Variants in UNC13C observed in about 807,000 individuals in gnomAD.
UNC13C encodes protein unc-13 homolog C.
UNC13C carries 174 observed loss-of-function variants against 245.4 expected under a neutral mutation model. The ratio of observed to expected loss-of-function variants is 0.71; its 90% CI spans 0.63 to 0.80. UNC13C has a LOEUF of 0.80. Among genes scored for constraint, UNC13C ranks in the 30% least tolerant of loss-of-function variants. The pLI is 0.00. For missense variants in UNC13C, 2,829 were observed against 2,602.9 expected (o/e 1.09, Z -1.89); for synonymous variants, 992 against 895.1 (o/e 1.11, Z -1.93).
the UNC13C span, among the ~76,000 whole-genome samples, chr15:53,860,691 C>A: frequency 1.3e-5 from 2 of 152,192 alleles, no homozygotes; most frequent in African/African-American, 4.8e-5. Flanking sequence ...GTATAACATG[C>A]TTTTCAGATC....
intron 4 of UNC13C, among the ~76,000 whole-genome samples, chr15:54,224,115 A>G (rs1262828071): frequency 6.6e-6 from 1 of 151,950 alleles, no homozygotes; most frequent in Non-Finnish European, 1.5e-5. Flanking sequence ...TTTCCAGTTT[A>G]GTTGCACTTT....
chr15:54,501,042 T>G, intron 22 of UNC13C, 64 bp downstream of exon 22: 2 of 1,543,486 alleles, frequency 1.3e-6, no homozygotes, highest in Non-Finnish European at 1.8e-6. Context: ...AATGCTATTG[T>G]TTTGTGGTGT....
chr15:54,102,094 A>G (rs1900194490), intron 2 of UNC13C, among the ~76,000 whole-genome samples: 1 of 150,616 alleles, frequency 6.6e-6, no homozygotes, highest in Non-Finnish European at 1.5e-5. Flanking sequence ...GACCATAGTC[A>G]TATTATAAGT....
intron 17 of UNC13C, among the ~76,000 whole-genome samples, chr15:54,356,613 T>C (rs1434152966): frequency 6.6e-6 from 1 of 152,188 alleles, no homozygotes; most frequent in Non-Finnish European, 1.5e-5. Flanking sequence ...AAAGCAGCTT[T>C]CAGCCTCTTT....
chr15:53,867,566 A>T, the UNC13C span, among the ~76,000 whole-genome samples: 1 of 152,262 alleles, frequency 6.6e-6, no homozygotes, highest in South Asian at 2.1e-4. Flanking sequence ...CTGGTGAGAA[A>T]AGACTTTGCA....
At chr15:54,483,727 T>G (rs1187323079) in intron 19 of UNC13C, among the ~76,000 whole-genome samples, 4 of 152,198 alleles carry the variant, frequency 2.6e-5, no homozygotes, top group Non-Finnish European at 2.9e-5. Context: ...GGTGCTGGGA[T>G]GACTGTCATG....
intron 10 of UNC13C, among the ~76,000 whole-genome samples, chr15:54,266,277 G>A (rs1366697614): frequency 6.6e-6 from 1 of 151,914 alleles, no homozygotes; most frequent in Non-Finnish European, 1.5e-5. Context: ...GCCTGATGAA[G>A]GAAGTCTTAA....
At chr15:54,519,584 C>A (rs1002793171) in intron 24 of UNC13C, among the ~76,000 whole-genome samples, 17 of 152,094 alleles carry the variant, frequency 1.1e-4, no homozygotes, top group African/African-American at 3.6e-4. Flanking sequence ...ACAACTGATA[C>A]CTCTAGCATA....
At chr15:54,216,734 A>C (rs1340459796) in intron 4 of UNC13C, among the ~76,000 whole-genome samples, 1 of 151,984 alleles carries the variant, frequency 6.6e-6, no homozygotes, top group African/African-American at 2.4e-5. Flanking sequence ...GAAAGACATT[A>C]ATATTCTATG....
At chr15:54,007,559 A>G (rs1200891690) in intron 1 of UNC13C, among the ~76,000 whole-genome samples, 1 of 152,140 alleles carries the variant, frequency 6.6e-6, no homozygotes, top group East Asian at 1.9e-4. Context: ...GAGCTATACA[A>G]TGAGGACACG....
At chr15:53,882,498 G>A in the UNC13C span, among the ~76,000 whole-genome samples, 1 of 152,126 alleles carries the variant, frequency 6.6e-6, no homozygotes, top group Non-Finnish European at 1.5e-5. Flanking sequence ...AGTCATGACA[G>A]GGAGTCAGAA....
At chr15:53,996,991 G>C (rs138274726) in intron 1 of UNC13C, among the ~76,000 whole-genome samples, 2,896 of 152,132 alleles carry the variant, frequency 0.019, 34 homozygotes, top group South Asian at 0.066. Flanking sequence ...TAAGAAATTA[G>C]CCATTCCTAA....
intron 24 of UNC13C, among the ~76,000 whole-genome samples, chr15:54,523,270 T>C (rs1459336044): frequency 6.6e-6 from 1 of 152,222 alleles, no homozygotes; most frequent in Admixed American, 6.5e-5. Flanking sequence ...ATGCTCATTA[T>C]TGAAAAAGAT....
At chr15:54,487,167 A>G (rs1186992077) in intron 19 of UNC13C, among the ~76,000 whole-genome samples, 1 of 151,902 alleles carries the variant, frequency 6.6e-6, no homozygotes, top group Non-Finnish European at 1.5e-5. Context: ...CCAACCTCAC[A>G]TCATTCCTGG....
chr15:54,505,851 C>T (rs1374764548), intron 22 of UNC13C, among the ~76,000 whole-genome samples: 1 of 150,694 alleles, frequency 6.6e-6, no homozygotes, highest in African/African-American at 2.4e-5. Flanking sequence ...ACTTGCTAAC[C>T]ATTGGCATTT....
At chr15:54,482,200 G>A (rs559164454) in intron 19 of UNC13C, among the ~76,000 whole-genome samples, 7 of 152,194 alleles carry the variant, frequency 4.6e-5, no homozygotes, top group East Asian at 1.9e-4. Context: ...TGCAGTCCTC[G>A]GGAAGGACAT....
chr15:54,586,109 C>T (rs1324055209), intron 30 of UNC13C, among the ~76,000 whole-genome samples: 1 of 152,234 alleles, frequency 6.6e-6, no homozygotes, highest in Non-Finnish European at 1.5e-5. Flanking sequence ...AGAACAGTAT[C>T]CTTGGGTCTT....
chr15:53,884,268 A>G, the UNC13C span, among the ~76,000 whole-genome samples: 2 of 152,144 alleles, frequency 1.3e-5, no homozygotes, highest in Non-Finnish European at 2.9e-5. Context: ...TGTGATCCAG[A>G]CTTAGTTTCC....
chr15:54,375,679 C>T (rs949347514), intron 17 of UNC13C, among the ~76,000 whole-genome samples: 1 of 152,106 alleles, frequency 6.6e-6, no homozygotes, highest in Non-Finnish European at 1.5e-5. Context: ...TTTTTCTGGT[C>T]TTAAAGAATC....
Sources: allele counts gnomAD v4.1 joint callset (sites outside exome capture counted in the v4.1 genomes callset), GRCh38; gene constraint gnomAD v4.1.1; transcripts MANE v1.5; gene names NCBI Gene and HGNC (gene_info 2026-07-23, HGNC 2026-07-21).